Variants in MAGI2 observed in about 807,000 individuals in gnomAD.
The protein encoded by MAGI2 is membrane-associated guanylate kinase, WW and PDZ domain-containing protein 2.
Under a neutral mutation model 133.3 loss-of-function variants are expected in MAGI2, and 35 were observed. The observed-to-expected ratio is 0.26, with a 90% CI of 0.20 to 0.35. The LOEUF (loss-of-function observed/expected upper bound fraction) is 0.35. MAGI2 is among the 10% of genes least tolerant of loss of function. The pLI is 1.00. For missense variants in MAGI2, 1,636 were observed against 1,863.4 expected, an observed-to-expected ratio of 0.88 and a Z score of 2.25; for synonymous variants, 729 against 710.6, an observed-to-expected ratio of 1.03 and a Z score of -0.41.
chr7:79,172,119 G>A (rs1263479400), intron 1 of MAGI2, among the ~76,000 whole-genome samples: 7 of 151,890 alleles, frequency 4.6e-5, no homozygotes, highest in African/African-American at 1.7e-4. Flanking sequence ...AAGAAGGAAG[G>A]GAAGAGGGCA....
At chr7:78,439,585 A>G (rs1261664441) in intron 6 of MAGI2, among the ~76,000 whole-genome samples, 2 of 152,142 alleles carry the variant, frequency 1.3e-5, no homozygotes, top group Non-Finnish European at 2.9e-5. Flanking sequence ...ACCACACATC[A>G]CCAGGCAATA....
chr7:78,781,378 CACA>C (rs1826383472), intron 2 of MAGI2, among the ~76,000 whole-genome samples: 1 of 31,860 alleles, frequency 3.1e-5, no homozygotes, highest in Non-Finnish European at 6.2e-5. Context: ...GACTCCGTCT[CACA>C]AAAAAAAAAA....
At chr7:78,237,376 A>G (rs1470758664) in intron 10 of MAGI2, among the ~76,000 whole-genome samples, 3 of 152,066 alleles carry the variant, frequency 2.0e-5, no homozygotes, top group African/African-American at 7.2e-5. Context: ...TGTAATGGTG[A>G]GCTTTGGGCT....
At chr7:78,979,733 A>C (rs552641736) in intron 2 of MAGI2, among the ~76,000 whole-genome samples, 1 of 151,816 alleles carries the variant, frequency 6.6e-6, no homozygotes. Context: ...TGGCCATCCC[A>C]TAATCCTAGA....
At chr7:79,080,556 T>C (rs1369666360) in intron 1 of MAGI2, among the ~76,000 whole-genome samples, 2 of 152,122 alleles carry the variant, frequency 1.3e-5, no homozygotes, top group African/African-American at 4.8e-5. Flanking sequence ...TAATATATCA[T>C]CAAGTATGTA....
At chr7:78,246,677 G>A (rs1235773386) in intron 10 of MAGI2, among the ~76,000 whole-genome samples, 2 of 152,176 alleles carry the variant, frequency 1.3e-5, no homozygotes. Flanking sequence ...AGTCTGGGAT[G>A]CTGCTGTGTT....
intron 20 of MAGI2, among the ~76,000 whole-genome samples, chr7:78,123,841 C>T (rs1820704044): frequency 6.6e-6 from 1 of 152,198 alleles, no homozygotes; most frequent in African/African-American, 2.4e-5. Flanking sequence ...CCTAGAGTTT[C>T]TGATTCAGCA....
chr7:78,129,245 C>T (rs75042087), intron 18 of MAGI2, among the ~76,000 whole-genome samples: 10,393 of 152,214 alleles, frequency 0.068, 490 homozygotes, highest in South Asian at 0.096. Context: ...GGCCATCAGG[C>T]ACTTAAACTA....
At chr7:79,026,906 G>A (rs994349058) in intron 1 of MAGI2, among the ~76,000 whole-genome samples, 2 of 151,594 alleles carry the variant, frequency 1.3e-5, no homozygotes, top group Admixed American at 1.3e-4. Context: ...CAGGAGAGCT[G>A]AATAGACATT....
At chr7:78,767,917 G>C (rs1174579191) in intron 2 of MAGI2, among the ~76,000 whole-genome samples, 1 of 152,192 alleles carries the variant, frequency 6.6e-6, no homozygotes, top group Admixed American at 6.5e-5. Context: ...CTTAAATGTT[G>C]TTCAGGTAGC....
intron 3 of MAGI2, among the ~76,000 whole-genome samples, chr7:78,598,216 T>C (rs1018677793): frequency 1.3e-5 from 2 of 152,162 alleles, no homozygotes; most frequent in Non-Finnish European, 2.9e-5. Context: ...CTTTCAAGGA[T>C]TGTATAGTCT....
chr7:79,206,260 C>T (rs367757034), intron 1 of MAGI2, among the ~76,000 whole-genome samples: 18 of 148,812 alleles, frequency 1.2e-4, no homozygotes, highest in African/African-American at 2.0e-4. Flanking sequence ...ATAGAGACTA[C>T]GAATACAATA....
chr7:78,377,509 T>C (rs956453594), intron 6 of MAGI2, among the ~76,000 whole-genome samples: 3 of 151,814 alleles, frequency 2.0e-5, no homozygotes, highest in African/African-American at 4.8e-5. Flanking sequence ...GCCCAGCTTC[T>C]GAAGAAGAGG....
At chr7:78,664,274 G>C (rs1051209035) in intron 2 of MAGI2, among the ~76,000 whole-genome samples, 4 of 152,210 alleles carry the variant, frequency 2.6e-5, no homozygotes, top group Non-Finnish European at 1.5e-5. Context: ...ATCCTCACCA[G>C]TTATATACAG....
At chr7:78,167,833 T>A in intron 15 of MAGI2, 83 bp downstream of exon 15, 1 of 1,243,640 alleles carries the variant, frequency 8.0e-7, no homozygotes, top group Non-Finnish European at 1.1e-6. Context: ...ATTTAAAATT[T>A]TGTTTCATGT....
At chr7:78,055,156 A>G (rs1053511316) in intron 21 of MAGI2, among the ~76,000 whole-genome samples, 1 of 152,208 alleles carries the variant, frequency 6.6e-6, no homozygotes, top group Non-Finnish European at 1.5e-5. Context: ...GGGCACAATC[A>G]TGCTTGCAAA....
At chr7:78,554,230 G>A (rs1193924667) in intron 3 of MAGI2, among the ~76,000 whole-genome samples, 1 of 152,146 alleles carries the variant, frequency 6.6e-6, no homozygotes. Context: ...ATTACACACA[G>A]CAAAGCTGTC....
chr7:79,150,258 TAA>T (rs59728410), intron 1 of MAGI2, among the ~76,000 whole-genome samples: 4 of 148,208 alleles, frequency 2.7e-5, no homozygotes, highest in African/African-American at 9.9e-5. Context: ...AATTTACGGT[TAA>T]AAAAAAAAAC....
intron 6 of MAGI2, among the ~76,000 whole-genome samples, chr7:78,419,371 T>A (rs1189677313): frequency 6.8e-6 from 1 of 146,258 alleles, no homozygotes; most frequent in Non-Finnish European, 1.5e-5. Flanking sequence ...TTTACCGGCC[T>A]ATGTTAATTA....
Sources: allele counts gnomAD v4.1 joint callset (sites outside exome capture counted in the v4.1 genomes callset), GRCh38; gene constraint gnomAD v4.1.1; transcripts MANE v1.5; gene names NCBI Gene and HGNC (gene_info 2026-07-23, HGNC 2026-07-21).